The following OR1F1 variants were observed in gnomAD, a reference collection of about 807,000 sequenced individuals.
OR1F1 encodes the protein olfactory receptor family 1 subfamily F member 1, also known as olfactory receptor 1F1.
For missense variants in OR1F1, 493 were observed against 376.3 expected, an observed-to-expected ratio of 1.31 and a Z score of -2.57; for synonymous variants, 184 against 156.7, an observed-to-expected ratio of 1.17 and a Z score of -1.30.
At chr16:3,204,839 T>C (rs1958183996) in exon 1 of OR1F1, 3 of 1,614,158 alleles carry the variant, frequency 1.9e-6, no homozygotes, top group Non-Finnish European at 2.5e-6. Context: ...AATGAGGTCA[T>C]AATCCTTAGT....
chr16:3,203,497 G>A (rs925479868), upstream of OR1F1, among the ~76,000 whole-genome samples: 3 of 152,232 alleles, frequency 2.0e-5, no homozygotes, highest in African/African-American at 7.2e-5. Flanking sequence ...CAGGTGTGGT[G>A]GCTCACGCCT....
the OR1F1 span, among the ~76,000 whole-genome samples, chr16:3,190,095 C>A: frequency 1.3e-5 from 2 of 152,110 alleles, no homozygotes; most frequent in Non-Finnish European, 2.9e-5. Context: ...CCCACTATCC[C>A]CGGTTCTAGC....
At chr16:3,191,450 C>G in the OR1F1 span, 2 of 152,156 alleles carry the variant, frequency 1.3e-5, no homozygotes, top group African/African-American at 2.4e-5. Context: ...TTAGTTTCTA[C>G]TATTCTCATG....
At chr16:3,197,033 C>T in the OR1F1 span, among the ~76,000 whole-genome samples, 2 of 152,034 alleles carry the variant, frequency 1.3e-5, no homozygotes, top group African/African-American at 4.8e-5. Context: ...TGCGCCACTG[C>T]ACCTAATTTT....
chr16:3,200,238 C>T (rs900289560), upstream of OR1F1, among the ~76,000 whole-genome samples: 1 of 152,098 alleles, frequency 6.6e-6, no homozygotes, highest in African/African-American at 2.4e-5. Flanking sequence ...AGTGCTGTAG[C>T]TGTGAATGCT....
the OR1F1 span, among the ~76,000 whole-genome samples, chr16:3,198,511 A>T: frequency 6.6e-6 from 1 of 152,118 alleles, no homozygotes; most frequent in East Asian, 1.9e-4. Flanking sequence ...TTCTGTACAG[A>T]TATGCAAGCG....
chr16:3,192,560 A>G, the OR1F1 span, among the ~76,000 whole-genome samples: 2 of 152,318 alleles, frequency 1.3e-5, no homozygotes, highest in Admixed American at 1.3e-4. Context: ...AGCAGCTCCA[A>G]CACTGCTGAA....
upstream of OR1F1, among the ~76,000 whole-genome samples, chr16:3,202,387 A>T (rs1181021512): frequency 1.3e-5 from 2 of 152,106 alleles, no homozygotes; most frequent in African/African-American, 4.8e-5. Flanking sequence ...TTGCAAGAAG[A>T]CACCTTGGAT....
At chr16:3,191,959 C>T in the OR1F1 span, among the ~76,000 whole-genome samples, 1 of 152,174 alleles carries the variant, frequency 6.6e-6, no homozygotes, top group Non-Finnish European at 1.5e-5. Context: ...CCACGGCTGC[C>T]ACAAAGAAAA....
At chr16:3,194,739 G>A in the OR1F1 span, among the ~76,000 whole-genome samples, 1 of 152,198 alleles carries the variant, frequency 6.6e-6, no homozygotes, top group Non-Finnish European at 1.5e-5. Flanking sequence ...TTTAAGGGGG[G>A]CACTTGCGGA....
At chr16:3,190,737 T>A in the OR1F1 span, among the ~76,000 whole-genome samples, 1 of 107,476 alleles carries the variant, frequency 9.3e-6, no homozygotes. Flanking sequence ...GGTGACAAGG[T>A]AAGACTCTAT....
the OR1F1 span, among the ~76,000 whole-genome samples, chr16:3,196,152 T>G: frequency 2.6e-5 from 4 of 152,230 alleles, no homozygotes; most frequent in Non-Finnish European, 5.9e-5. Context: ...CTTGCAGTTA[T>G]GCCCAGCTAG....
the OR1F1 span, among the ~76,000 whole-genome samples, chr16:3,196,435 G>C: frequency 1.3e-3 from 197 of 152,030 alleles, no homozygotes; most frequent in African/African-American, 4.5e-3. Context: ...CCAGGCTGGA[G>C]GGCAGTGGTA....
At chr16:3,196,228 T>C in the OR1F1 span, among the ~76,000 whole-genome samples, 3 of 152,232 alleles carry the variant, frequency 2.0e-5, no homozygotes, top group East Asian at 1.9e-4. Flanking sequence ...GTTGAGCACA[T>C]GTTTCCTTTT....
upstream of OR1F1, among the ~76,000 whole-genome samples, chr16:3,203,549 A>T (rs903234132): frequency 6.6e-6 from 1 of 152,148 alleles, no homozygotes; most frequent in East Asian, 1.9e-4. Flanking sequence ...GCGGATCACG[A>T]GGTCAAGAGA....
the OR1F1 span, among the ~76,000 whole-genome samples, chr16:3,188,660 C>A: frequency 3.3e-5 from 5 of 152,136 alleles, no homozygotes; most frequent in Non-Finnish European, 7.4e-5. Context: ...CCCCCAGACC[C>A]CGGGGCCTTC....
the OR1F1 span, among the ~76,000 whole-genome samples, chr16:3,195,657 C>T: frequency 7.8e-6 from 1 of 128,162 alleles, no homozygotes; most frequent in Non-Finnish European, 1.6e-5. Flanking sequence ...ATTACAAGCC[C>T]GGGGGACAGA....
downstream of OR1F1, among the ~76,000 whole-genome samples, chr16:3,205,358 C>G (rs1958194010): frequency 6.6e-6 from 1 of 152,158 alleles, no homozygotes; most frequent in South Asian, 2.1e-4. Context: ...CTCTGTCACC[C>G]AGGCTGGAGT....
upstream of OR1F1, among the ~76,000 whole-genome samples, chr16:3,201,973 A>G (rs1200256137): frequency 3.9e-5 from 6 of 152,182 alleles, no homozygotes; most frequent in African/African-American, 1.2e-4. Context: ...CACACTGCCT[A>G]TGGGGGAGCC....
Sources: gnomAD v4.1 joint callset for allele counts (sites outside exome capture counted in the v4.1 genomes callset) on GRCh38, gnomAD v4.1.1 for gene constraint, MANE v1.5 for transcripts, NCBI Gene and HGNC (gene_info 2026-07-23, HGNC 2026-07-21) for gene names.